NECTIN1: variants seen among roughly 807,000 people sequenced by gnomAD.
NECTIN1 encodes the protein nectin-1.
Under a neutral mutation model 48.0 loss-of-function variants are expected in NECTIN1, and 23 were observed. The ratio of observed to expected loss-of-function variants is 0.48; its 90% CI spans 0.34 to 0.68. NECTIN1 has a LOEUF of 0.68. NECTIN1 is among the 30% of genes least tolerant of loss of function. NECTIN1 has a pLI of 0.01. For missense variants in NECTIN1, 591 were observed against 709.9 expected (o/e 0.83, Z 1.90); for synonymous variants, 270 against 288.9 (o/e 0.93, Z 0.66).
chr11:119,689,559 TG>T (rs1297638058), intron 1 of NECTIN1, among the ~76,000 whole-genome samples: 1 of 152,062 alleles, frequency 6.6e-6, no homozygotes, highest in East Asian at 1.9e-4. Flanking sequence ...AGGGTGTGGG[TG>T]GGGCCCTGCT....
At chr11:119,695,785 G>A (rs1865332241) in intron 1 of NECTIN1, among the ~76,000 whole-genome samples, 1 of 152,198 alleles carries the variant, frequency 6.6e-6, no homozygotes, top group Non-Finnish European at 1.5e-5. Flanking sequence ...CCAGTGGGAA[G>A]TGGGAGCACC....
At chr11:119,656,956 C>T (rs1423966501), downstream of NECTIN1, among the ~76,000 whole-genome samples, 1 of 152,184 alleles carries the variant, frequency 6.6e-6, no homozygotes, top group East Asian at 1.9e-4. Context: ...GACAGGTGCC[C>T]AGGGAACAAG....
In NECTIN1 at chr11:119,662,286, A is replaced by C; in HGVS notation, c.*2461T>G. On this transcript the variant is annotated 3_prime_UTR_variant, in exon 6 of 6. Transcript: ENST00000264025. The surrounding 1 kb of genome is among the most constrained non-coding windows in gnomAD (Gnocchi z 5.3). Reference sequence around the variant, plus strand: ...AGCAGTAGTGCCCACCTTCCCACAAACTTGGGGCACAGAAAACCTCACATC... The same window carrying C: ...AGCAGTAGTGCCCACCTTCCCACAACCTTGGGGCACAGAAAACCTCACATC... The C allele has an allele frequency of 1.0e-6, 1 of 985,584 alleles. No homozygotes were observed. The highest frequency in any genetic ancestry group is 4.7e-5 in the South Asian group (1 of 21,282). The allele number at this position is 985,584 out of a possible 1,614,324, so 61.1% of individuals were successfully genotyped here. A position where few individuals can be genotyped will look rare whatever the true frequency, so the allele number is the denominator to read the frequency against.
At chr11:119,670,382 C>T (rs1198015720) in intron 5 of NECTIN1, among the ~76,000 whole-genome samples, 1 of 152,202 alleles carries the variant, frequency 6.6e-6, no homozygotes, top group Admixed American at 6.5e-5. Context: ...ACCTAGACCG[C>T]TTGTCATGTG....
intron 5 of NECTIN1, among the ~76,000 whole-genome samples, chr11:119,670,819 T>C (rs1864852319): frequency 1.3e-5 from 2 of 151,796 alleles, no homozygotes; most frequent in African/African-American, 4.8e-5. Context: ...GCTAATATTT[T>C]GTAGAGACGG....
rs962696151 is a variant in NECTIN1, at chr11:119,678,600, T to C, written c.245A>G (p.Asn82Ser). The C allele has an allele frequency of 6.2e-7, 1 of 1,613,928 alleles. No homozygotes were observed. The highest frequency in any genetic ancestry group is 8.5e-7 in the Non-Finnish European group (1 of 1,180,012). The change falls in exon 2 of 6, where the codon AAC (asparagine) becomes AGC (serine). Residue 82 changes from asparagine to serine, a missense_variant. Physicochemically the swap from Asn to Ser is conservative, Grantham distance 46 (BLOSUM62 1). Coordinates refer to ENST00000264025, the MANE Select transcript of NECTIN1 (RefSeq NM_002855.5). The surrounding 1 kb of genome is among the most constrained non-coding windows in gnomAD (Gnocchi z 4.4). ...CAGCACGGACACGCCCATGGATGGG[T>C]TGTAGATGGCCACGTTCTGCTTGGA... is the stretch of plus-strand genomic sequence containing the variant. Reference protein sequence around the residue: ...NGSKQNVAIYNPSMGVSVLAP... With the variant: ...NGSKQNVAIYSPSMGVSVLAP...
chr11:119,645,309 C>A (rs980962096), intron 5 of NECTIN1, among the ~76,000 whole-genome samples: 7 of 152,178 alleles, frequency 4.6e-5, no homozygotes, highest in African/African-American at 1.7e-4. Flanking sequence ...GGAGGCAAGT[C>A]TTCCTGGCCA....
At chr11:119,667,468 A>T (rs1355140640) in intron 5 of NECTIN1, among the ~76,000 whole-genome samples, 2 of 152,220 alleles carry the variant, frequency 1.3e-5, no homozygotes, top group African/African-American at 4.8e-5. Context: ...TGCAGATGTT[A>T]AGGGAACAGG....
chr11:119,650,080 G>A lies in NECTIN1; in HGVS notation c.1004-10068C>T, dbSNP rs372647101. 2.6e-3 allele frequency among the ~76,000 whole-genome samples: 388 copies of A among 152,084 alleles called. 4 individuals carry two copies. In the East Asian group the frequency reaches 0.036, roughly 14 times the overall value. On this transcript the variant is annotated intron_variant, in intron 5 of 7. Coordinates refer to the NECTIN1 transcript ENST00000341398. ...AGTCAAAGGGGGGTTGTTATCTGGC[G>A]GGCAAGAGTGGGGGTCACAAGGTAC...
At chr11:119,658,848 T>C (rs528717604), downstream of NECTIN1, among the ~76,000 whole-genome samples, 1 of 152,302 alleles carries the variant, frequency 6.6e-6, no homozygotes, top group South Asian at 2.1e-4. Flanking sequence ...GCTCTCAGGA[T>C]GTGGCTGTGC....
At chr11:119,705,689 G>A (rs908813821) in intron 1 of NECTIN1, among the ~76,000 whole-genome samples, 1 of 152,254 alleles carries the variant, frequency 6.6e-6, no homozygotes, top group Non-Finnish European at 1.5e-5. Flanking sequence ...CTGTGACCCG[G>A]CTTTGTTTCA....
At chr11:119,645,390 T>C (rs10892425) in intron 5 of NECTIN1, among the ~76,000 whole-genome samples, 122,759 of 152,144 alleles carry the variant, frequency 0.81, 52,822 homozygotes, top group South Asian at 0.99. Context: ...CCAAGTCTTA[T>C]CTGAATGTCA....
chr11:119,712,728 C>T (rs765577804), intron 1 of NECTIN1, among the ~76,000 whole-genome samples: 25 of 152,290 alleles, frequency 1.6e-4, no homozygotes, highest in Middle Eastern at 3.4e-3. Context: ...TGACCTTTAA[C>T]GGAAGCATCC....
At chr11:119,711,637 G>T (rs1044609154) in intron 1 of NECTIN1, among the ~76,000 whole-genome samples, 1 of 152,128 alleles carries the variant, frequency 6.6e-6, no homozygotes. Flanking sequence ...TGGGAGCCTC[G>T]CATTTCACAG....
Position 119,728,572 on chromosome 11 carries a change from C to A in NECTIN1, c.-19G>T, listed in dbSNP as rs1343140728. The A allele has an allele frequency of 7.7e-6, 12 of 1,548,858 alleles. No individual in the cohort carries two copies. The highest frequency in any genetic ancestry group is 1.2e-5 in the South Asian group (1 of 84,094). ...GAGCCATCGGGGGCCGGGGGTCCGG[C>A]GAGAGGGGCGGCGAGGGCAGCGCTC... On this transcript the variant is annotated 5_prime_UTR_variant, in exon 1 of 6. Coordinates refer to ENST00000264025, the MANE Select transcript of NECTIN1 (RefSeq NM_002855.5).
chr11:119,641,111 G>C (rs1285472662), intron 5 of NECTIN1: 1 of 152,250 alleles, frequency 6.6e-6, no homozygotes, highest in Non-Finnish European at 1.5e-5. Flanking sequence ...CCGGAAGGAG[G>C]GGGTATCTTG....
intron 7 of NECTIN1, chr11:119,638,639 G>A (rs1395958535): frequency 1.7e-6 from 2 of 1,201,714 alleles, no homozygotes; most frequent in Non-Finnish European, 2.4e-6. Flanking sequence ...TGGCGGCTCT[G>A]TCTTCAGCTT....
chr11:119,679,324 A>G (rs1250833981), intron 1 of NECTIN1, among the ~76,000 whole-genome samples: 1 of 152,264 alleles, frequency 6.6e-6, no homozygotes. Context: ...GGTGCGTCAG[A>G]GGCAGGAGGC....
chr11:119,644,381 T>A (rs998185240), intron 5 of NECTIN1, among the ~76,000 whole-genome samples: 14 of 152,206 alleles, frequency 9.2e-5, no homozygotes, highest in African/African-American at 3.4e-4. Context: ...GCCAGCAATC[T>A]TCACCTGCTT....
Sources: allele counts gnomAD v4.1 joint callset (sites outside exome capture counted in the v4.1 genomes callset), GRCh38; gene constraint gnomAD v4.1.1; non-coding constraint Gnocchi (gnomAD v3.1); transcripts MANE v1.5; gene names NCBI Gene and HGNC (gene_info 2026-07-23, HGNC 2026-07-21).